Variants in NHS observed in about 807,000 individuals in gnomAD.
NHS encodes NHS actin remodeling regulator.
NHS carries 5 observed loss-of-function variants against 72.5 expected under a neutral mutation model. The ratio of observed to expected loss-of-function variants is 0.07; its 90% CI spans 0.04 to 0.14. NHS has a LOEUF of 0.14. Ranked by LOEUF, NHS falls within the 10% of genes least tolerant of loss-of-function variation. The pLI is 1.00. For missense variants in NHS, 1,072 were observed against 1,355.7 expected, an observed-to-expected ratio of 0.79 and a Z score of 3.29; for synonymous variants, 464 against 547.7, an observed-to-expected ratio of 0.85 and a Z score of 2.13.
chrX:17,722,477 G>C (rs2066412228), intron 5 of NHS, among the ~76,000 whole-genome samples: 1 of 111,796 alleles, frequency 8.9e-6, no homozygotes, highest in Admixed American at 9.5e-5. Flanking sequence ...TGTGACTAAA[G>C]ATTGCATGTC....
At position 17,433,656 on chromosome X, in the gene NHS, G is replaced by A. The variant is rs185777695; in HGVS notation, c.565+57334G>A. 6.3e-5 allele frequency among the ~76,000 whole-genome samples: 7 copies of A among 111,545 alleles called. No individual in the cohort carries two copies. In the East Asian group the frequency reaches 2.0e-3, roughly 32 times the overall value. On this transcript the variant is annotated intron_variant, in intron 1 of 8. Transcript: ENST00000676302. ...GAAAGGATCCCTGCACTTGGTTTAG[G>A]ATCAGATAACATTTGACCAAACTGG... is the stretch of plus-strand genomic sequence containing the variant.
At chrX:17,405,564 C>G (rs1176058396) in intron 1 of NHS, among the ~76,000 whole-genome samples, 1 of 112,257 alleles carries the variant, frequency 8.9e-6, no homozygotes, top group Non-Finnish European at 1.9e-5. Context: ...GTAGTGCTGC[C>G]TAAGAGTCCA....
At chrX:17,719,507 T>G (rs970116468) in intron 4 of NHS, 101 bp downstream of exon 4, 3 of 630,658 alleles carry the variant, frequency 4.8e-6, no homozygotes, top group Middle Eastern at 3.2e-4. Context: ...TTCTTGTTTC[T>G]AACTAACGGT....
At chrX:17,586,202 A>T (rs1272923172) in intron 1 of NHS, 1 of 111,430 alleles carries the variant, frequency 9.0e-6, no homozygotes. Flanking sequence ...TTACAGAACC[A>T]TGTTGGTGGT....
At chrX:17,518,306 T>C (rs1182333774) in intron 1 of NHS, among the ~76,000 whole-genome samples, 2 of 112,347 alleles carry the variant, frequency 1.8e-5, no homozygotes, top group African/African-American at 6.5e-5. Flanking sequence ...AAGATGGGGA[T>C]GTGTCAACCT....
At chrX:17,568,647 G>GTTATTATTA (rs35281549) in intron 1 of NHS, among the ~76,000 whole-genome samples, 991 of 92,101 alleles carry the variant, frequency 0.011, 7 homozygotes, top group Non-Finnish European at 0.012. Flanking sequence ...AGGTTACTTA[G>GTTATTATTA]TTATTATTAT....
chrX:17,504,468 GTC>G (rs2065048117), intron 1 of NHS, among the ~76,000 whole-genome samples: 1 of 112,410 alleles, frequency 8.9e-6, no homozygotes, highest in Non-Finnish European at 1.9e-5. Context: ...CCCTCAAGCT[GTC>G]TCTCTCTTCA....
At chrX:17,621,077 C>A (rs2065771333) in intron 1 of NHS, among the ~76,000 whole-genome samples, 1 of 112,385 alleles carries the variant, frequency 8.9e-6, no homozygotes, top group Non-Finnish European at 1.9e-5. Context: ...AAAGAAATCA[C>A]CCCAACCCAG....
chrX:17,608,724 C>T (rs995524809), intron 1 of NHS, among the ~76,000 whole-genome samples: 4 of 108,514 alleles, frequency 3.7e-5, no homozygotes, highest in Non-Finnish European at 7.6e-5. Context: ...AAGCCCTTGT[C>T]GCTACAAAGC....
At chrX:17,701,557 A>G (rs1271862945) in intron 3 of NHS, among the ~76,000 whole-genome samples, 1 of 111,679 alleles carries the variant, frequency 9.0e-6, no homozygotes, top group East Asian at 2.8e-4. Context: ...CACTTCACCC[A>G]GAAAAAGTCC....
chrX:17,671,325 A>G (rs2066044224), intron 1 of NHS, among the ~76,000 whole-genome samples: 1 of 112,450 alleles, frequency 8.9e-6, no homozygotes, highest in Non-Finnish European at 1.9e-5. Flanking sequence ...GCAGAGCCCC[A>G]TTTAGTGTAC....
At position 17,588,337 on chromosome X, in the gene NHS, A is replaced by G. The variant is rs1390507961; in HGVS notation, c.566-99405A>G. The stretch of plus-strand genomic sequence containing the variant: ...CAGTCTGGCTCTGCAGCTACTTTCC[A>G]TCAGCAGCTCAAGACTATGGAAGGG... On this transcript the variant is annotated intron_variant, in intron 1 of 8. Coordinates refer to ENST00000676302, the MANE Select transcript of NHS (RefSeq NM_001291867.2). Among the ~76,000 whole-genome samples the G allele has an allele frequency of 3.6e-5, 4 of 111,861 alleles. No homozygotes were observed. The East Asian group carries it at 8.4e-4, about 23-fold the overall frequency.
At chrX:17,648,753 G>T (rs779709461) in intron 1 of NHS, among the ~76,000 whole-genome samples, 1 of 112,094 alleles carries the variant, frequency 8.9e-6, no homozygotes, top group Admixed American at 9.4e-5. Flanking sequence ...CTGCCCAAGA[G>T]ACAGTGTAGT....
At chrX:17,484,452 CT>C (rs1282634508) in intron 1 of NHS, among the ~76,000 whole-genome samples, 4 of 111,883 alleles carry the variant, frequency 3.6e-5, no homozygotes, top group Non-Finnish European at 5.6e-5. Flanking sequence ...CTCACAGATC[CT>C]CCCAAGAGGA....
At chrX:17,587,237 C>T (rs2065580369) in intron 1 of NHS, 2 of 112,344 alleles carry the variant, frequency 1.8e-5, no homozygotes, top group African/African-American at 3.2e-5. Context: ...ATTGAACAGG[C>T]GCCCTCAGTT....
At chrX:17,541,767 A>AACACACACACACAC (rs57700886) in intron 1 of NHS, among the ~76,000 whole-genome samples, 5,119 of 62,822 alleles carry the variant, frequency 0.081, 401 homozygotes, top group Middle Eastern at 0.13. Flanking sequence ...TGAGTTTGCG[A>AACACACACACACAC]ACACACACAC....
At chrX:17,418,263 G>A (rs1482267553) in intron 1 of NHS, among the ~76,000 whole-genome samples, 2 of 111,735 alleles carry the variant, frequency 1.8e-5, no homozygotes, top group African/African-American at 6.5e-5. Context: ...TGTTATGAGA[G>A]AGCAAGATGG....
At chrX:17,642,793 T>C (rs776612663) in intron 1 of NHS, among the ~76,000 whole-genome samples, 9 of 112,769 alleles carry the variant, frequency 8.0e-5, no homozygotes. Context: ...TCAAAAAATA[T>C]TCACTCCGGT....
chrX:17,416,612 A>G (rs754611159), intron 1 of NHS, among the ~76,000 whole-genome samples: 1 of 112,329 alleles, frequency 8.9e-6, no homozygotes, highest in Non-Finnish European at 1.9e-5. Flanking sequence ...TACTTACTGC[A>G]TGGGACTGTA....
Sources: gnomAD v4.1 joint callset for allele counts (sites outside exome capture counted in the v4.1 genomes callset) on GRCh38, gnomAD v4.1.1 for gene constraint, MANE v1.5 for transcripts, NCBI Gene and HGNC (gene_info 2026-07-23, HGNC 2026-07-21) for gene names.